The following OPHN1 variants were observed in gnomAD, a reference collection of about 807,000 sequenced individuals.
OPHN1 encodes the protein oligophrenin 1, also known as oligophrenin-1.
Under a neutral mutation model 60.7 loss-of-function variants are expected in OPHN1, and 11 were observed. The observed-to-expected ratio is 0.18, with a 90% CI of 0.11 to 0.30. The LOEUF is 0.30. OPHN1 is among the 10% of genes least tolerant of loss of function. OPHN1 has a pLI of 1.00. For synonymous variants in OPHN1, 226 were observed against 222.6 expected (o/e 1.02, Z -0.14); for missense variants, 449 against 611.0 (o/e 0.73, Z 2.80).
intron 2 of OPHN1, among the ~76,000 whole-genome samples, chrX:68,369,032 C>A (rs1449437293): frequency 9.0e-6 from 1 of 111,189 alleles, no homozygotes; most frequent in Non-Finnish European, 1.9e-5. Context: ...CACAGTGAAA[C>A]CCCATCTCTA....
chrX:68,216,154 G>A (rs1474951030), intron 6 of OPHN1, among the ~76,000 whole-genome samples: 1 of 111,055 alleles, frequency 9.0e-6, no homozygotes, highest in Non-Finnish European at 1.9e-5. Context: ...CTACGTTACT[G>A]GAATTTGAAA....
chrX:68,287,493 A>T (rs759329311), intron 3 of OPHN1, among the ~76,000 whole-genome samples: 72 of 109,910 alleles, frequency 6.6e-4, no homozygotes, highest in African/African-American at 2.2e-3. Context: ...CACAAAAGAA[A>T]GAAAATGCGC....
At chrX:68,416,071 G>T (rs1198982483) in intron 2 of OPHN1, among the ~76,000 whole-genome samples, 30 of 6,245 alleles carry the variant, frequency 4.8e-3, no homozygotes, top group Non-Finnish European at 0.015. Context: ...TATATATAGA[G>T]AGAGAGAGAG....
intron 2 of OPHN1, among the ~76,000 whole-genome samples, chrX:68,377,746 C>G (rs1238237873): frequency 9.0e-6 from 1 of 110,947 alleles, no homozygotes; most frequent in Non-Finnish European, 1.9e-5. Flanking sequence ...CATGTCCCTA[C>G]AAAGGACATG....
At chrX:68,205,126 A>AG (rs746421993) in intron 10 of OPHN1, among the ~76,000 whole-genome samples, 4 of 111,375 alleles carry the variant, frequency 3.6e-5, no homozygotes, top group African/African-American at 6.5e-5. Context: ...GAAACTGAGG[A>AG]GGGTTTTGAA....
At chrX:68,048,923 G>A (rs746573709) in intron 23 of OPHN1, among the ~76,000 whole-genome samples, 20 of 111,723 alleles carry the variant, frequency 1.8e-4, no homozygotes, top group Non-Finnish European at 5.6e-5. Flanking sequence ...AGAAAATCTT[G>A]GCAAATGAAA....
At chrX:68,288,233 T>C (rs753866709) in intron 3 of OPHN1, among the ~76,000 whole-genome samples, 1 of 111,505 alleles carries the variant, frequency 9.0e-6, no homozygotes, top group Non-Finnish European at 1.9e-5. Flanking sequence ...GTCATTTTAT[T>C]CCTGAGAAAA....
intron 19 of OPHN1, among the ~76,000 whole-genome samples, chrX:68,078,219 G>C (rs1249184267): frequency 9.0e-6 from 1 of 111,124 alleles, no homozygotes; most frequent in Non-Finnish European, 1.9e-5. Flanking sequence ...TTGGCATCTA[G>C]TGGGGAAAGG....
intron 15 of OPHN1, among the ~76,000 whole-genome samples, chrX:68,137,434 A>G (rs1248468884): frequency 4.6e-4 from 52 of 112,123 alleles, no homozygotes; most frequent in Non-Finnish European, 1.7e-4. Flanking sequence ...GCCCAACCTG[A>G]CATTGATGGA....
intron 15 of OPHN1, chrX:68,133,212 C>G (rs1298114584): frequency 1.6e-5 from 12 of 771,720 alleles, no homozygotes. Context: ...CTCATAGCAC[C>G]TAGCTCTCCA....
chrX:68,069,818 G>A (rs183182029), intron 20 of OPHN1, among the ~76,000 whole-genome samples: 195 of 111,039 alleles, frequency 1.8e-3, no homozygotes, highest in African/African-American at 6.3e-3. Context: ...AAGTTCTGGA[G>A]GAAGAATGTT....
chrX:68,110,992 A>G (rs1234034444), intron 18 of OPHN1, among the ~76,000 whole-genome samples: 2 of 112,202 alleles, frequency 1.8e-5, no homozygotes, highest in African/African-American at 6.5e-5. Context: ...AAAGGCCTCA[A>G]TTTTAGGTGT....
chrX:68,359,855 CAAAAAAAAAAAAAA>C (rs1186524030), intron 2 of OPHN1, among the ~76,000 whole-genome samples: 1 of 19,225 alleles, frequency 5.2e-5, no homozygotes, highest in Admixed American at 6.6e-4. Flanking sequence ...GACTCCGTCT[CAAAAAAAAAAAAAA>C]AAAAAAAAAA....
chrX:68,367,881 T>C (rs749919468), intron 2 of OPHN1, among the ~76,000 whole-genome samples: 181 of 111,638 alleles, frequency 1.6e-3, no homozygotes, highest in Non-Finnish European at 3.1e-3. Context: ...GTAAGTTTCT[T>C]GAGGCATCCC....
At chrX:68,163,659 CAT>C (rs2077345640) in intron 15 of OPHN1, among the ~76,000 whole-genome samples, 1 of 111,080 alleles carries the variant, frequency 9.0e-6, no homozygotes, top group Admixed American at 9.6e-5. Flanking sequence ...TAGAAATGTT[CAT>C]ACTATTTTCC....
intron 18 of OPHN1, 46 bp from the exon 19 acceptor site, chrX:68,097,075 C>A (rs762687206): frequency 1.7e-6 from 2 of 1,144,433 alleles, no homozygotes; most frequent in East Asian, 6.1e-5. Flanking sequence ...GCTCCAGTAT[C>A]CCCTTACAAC....
chrX:68,080,101 C>T (rs1228078794), intron 19 of OPHN1, among the ~76,000 whole-genome samples: 1 of 111,890 alleles, frequency 8.9e-6, no homozygotes, highest in Non-Finnish European at 1.9e-5. Flanking sequence ...TACTCCACTG[C>T]TTAAAATGTT....
intron 6 of OPHN1, among the ~76,000 whole-genome samples, chrX:68,220,274 T>C (rs1417054501): frequency 1.9e-5 from 2 of 107,129 alleles, no homozygotes; most frequent in Non-Finnish European, 3.9e-5. Flanking sequence ...GGAGCTGAAA[T>C]TGTGGCAATA....
chrX:68,349,276 A>G (rs917002617), intron 2 of OPHN1, among the ~76,000 whole-genome samples: 1 of 112,086 alleles, frequency 8.9e-6, no homozygotes, highest in African/African-American at 3.2e-5. Context: ...TCAAAAGAAG[A>G]CATTTATGCA....
Sources: gnomAD v4.1 joint callset for allele counts (sites outside exome capture counted in the v4.1 genomes callset) on GRCh38, gnomAD v4.1.1 for gene constraint, MANE v1.5 for transcripts, NCBI Gene and HGNC (gene_info 2026-07-23, HGNC 2026-07-21) for gene names.